ADCY5: variants seen among roughly 807,000 people sequenced by gnomAD.
ADCY5 encodes the protein adenylate cyclase type 5.
ADCY5 carries 30 observed loss-of-function variants against 119.7 expected under a neutral mutation model. The ratio of observed to expected loss-of-function variants is 0.25; its 90% confidence interval spans 0.19 to 0.34. The LOEUF (loss-of-function observed/expected upper bound fraction) is 0.34, where lower values mean the gene tolerates loss of function less well. Ranked by LOEUF, ADCY5 falls within the 10% of genes least tolerant of loss-of-function variation. ADCY5 has a pLI of 1.00. For missense variants in ADCY5, 1,324 were observed against 1,775.2 expected, an observed-to-expected ratio of 0.75 and a Z score of 4.57; for synonymous variants, 753 against 762.2, an observed-to-expected ratio of 0.99 and a Z score of 0.20.
chr3:123,292,703 G>A (rs536717732), intron 17 of ADCY5, among the ~76,000 whole-genome samples: 29 of 152,264 alleles, frequency 1.9e-4, no homozygotes, highest in African/African-American at 5.5e-4. Context: ...CTATGCCCAC[G>A]GGAGAAGGCT....
chr3:123,307,602 A>C lies in ADCY5; in HGVS notation c.2443-3419T>G, dbSNP rs1461561835. On this transcript the variant is annotated intron_variant, in intron 12 of 20. Transcript: ENST00000462833. Reference sequence around the variant, plus strand: ...TGAAATGGTATGACAGATGGTTTCAAATCGTTGGCTGCTGAAAATTTTGTC... The same window carrying C: ...TGAAATGGTATGACAGATGGTTTCACATCGTTGGCTGCTGAAAATTTTGTC... 2.0e-5 allele frequency among the ~76,000 whole-genome samples: 3 copies of C among 152,162 alleles called. No homozygotes were observed. The South Asian group carries it at 6.2e-4, about 32-fold the overall frequency.
intron 1 of ADCY5, among the ~76,000 whole-genome samples, chr3:123,432,394 A>C (rs774953900): frequency 6.6e-6 from 1 of 152,194 alleles, no homozygotes; most frequent in Non-Finnish European, 1.5e-5. Flanking sequence ...CACCAGAAGA[A>C]AGACTGGAGA....
rs1940764318 is a variant in ADCY5, at chr3:123,314,242, CAGG to C, written c.2432_2434del (p.Ser811del). 7 of 1,612,316 alleles carry C rather than the reference CAGG, an allele frequency of 4.3e-6. No individual in the cohort carries two copies. Among genetic ancestry groups the C allele is most frequent in the East Asian group, 2.2e-5 (1 of 44,878 alleles). On this transcript the variant is annotated inframe_deletion, in exon 12 of 21. Transcript: ENST00000462833. ...GCTGTCAGCTACACTCACCTTTACG[CAGG>C]AGTAGATCACAGACACAAACACCAC... is the stretch of plus-strand genomic sequence containing the variant.
intron 9 of ADCY5, among the ~76,000 whole-genome samples, chr3:123,320,414 C>T (rs138547392): frequency 7.5e-4 from 114 of 152,372 alleles, no homozygotes; most frequent in African/African-American, 2.4e-3. Flanking sequence ...GGCATTGCCT[C>T]GGGGCACTGG....
intron 8 of ADCY5, among the ~76,000 whole-genome samples, chr3:123,321,935 C>G (rs547481215): frequency 6.6e-6 from 1 of 152,178 alleles, no homozygotes. Flanking sequence ...CTGCCAGCAC[C>G]GGCCCAGGAT....
intron 1 of ADCY5, among the ~76,000 whole-genome samples, chr3:123,401,325 C>T (rs1944745980): frequency 6.6e-6 from 1 of 152,144 alleles, no homozygotes; most frequent in Non-Finnish European, 1.5e-5. Context: ...AGGGAAATGA[C>T]AAGCACCTGA....
intron 1 of ADCY5, among the ~76,000 whole-genome samples, chr3:123,386,907 G>C (rs6797908): frequency 0.48 from 72,542 of 151,906 alleles, 18,126 homozygotes; most frequent in East Asian, 0.69. Flanking sequence ...GCAGAAACCG[G>C]CCACTCCAAA....
In ADCY5 at chr3:123,385,493, T is replaced by A. The variant is rs114507367; in HGVS notation, c.1135-32912A>T. 7.9e-3 allele frequency among the ~76,000 whole-genome samples: 1,205 copies of A among 152,222 alleles called. 22 individuals are homozygous for A. The highest frequency in any genetic ancestry group is 0.027 in the African/African-American group (1,124 of 41,536). ...AGACACATAGTCTTGGTGCCTAAAA[T>A]CATGACTCCTCTACATTCTGGAGAC... On this transcript the variant is annotated intron_variant, in intron 1 of 20. Transcript: ENST00000462833.
intron 11 of ADCY5, among the ~76,000 whole-genome samples, chr3:123,315,114 C>G (rs1940842110): frequency 6.6e-6 from 1 of 152,242 alleles, no homozygotes; most frequent in Non-Finnish European, 1.5e-5. Context: ...CCAGGGACAA[C>G]ACACCCCACC....
At chr3:123,410,566 A>C (rs1945019409) in intron 1 of ADCY5, among the ~76,000 whole-genome samples, 2 of 152,210 alleles carry the variant, frequency 1.3e-5, no homozygotes, top group Admixed American at 1.3e-4. Context: ...CTGCAGTAAG[A>C]ATGAAATCTA....
intron 1 of ADCY5, among the ~76,000 whole-genome samples, chr3:123,396,810 GC>G (rs1944601130): frequency 7.9e-6 from 1 of 126,056 alleles, no homozygotes; most frequent in African/African-American, 3.3e-5. Flanking sequence ...AGGCAGGCAG[GC>G]AGGCAGGCGA....
At position 123,396,397 on chromosome 3, in the gene ADCY5, A is replaced by AAAG. The variant is rs1472420067; in HGVS notation, c.1135-43817_1135-43816insCTT. Among the ~76,000 whole-genome samples, 346 of 120,876 alleles carry AAAG rather than the reference A, an allele frequency of 2.9e-3. 3 individuals are homozygous for AAAG. Among genetic ancestry groups the AAAG allele is most frequent in the African/African-American group, 0.011 (340 of 31,790 alleles). The allele number at this position is 120,876 out of a possible 152,430, so 79.3% of individuals were successfully genotyped here. ...AGGAAGGAAGGGAGGGAAAGAGAGA[A>AAAG]AAAGAAAGAGAAAGAGAGAGAGAGG... On this transcript the variant is annotated intron_variant, in intron 1 of 20. Transcript: ENST00000462833.
intron 1 of ADCY5, among the ~76,000 whole-genome samples, chr3:123,360,562 T>C (rs1943214288): frequency 6.6e-6 from 1 of 152,180 alleles, no homozygotes; most frequent in African/African-American, 2.4e-5. Flanking sequence ...CTGGCATTAA[T>C]GCCCTCTAAG....
Position 123,443,364 on chromosome 3 carries a change from A to G in ADCY5, c.1134+4048T>C, listed in dbSNP as rs1243979635. ...GAAGCCAACTACCAGCCAAGAATAAACAGGACAGGGCTGCCATGATCTCCT... is the reference window on the plus strand; with the variant it reads ...GAAGCCAACTACCAGCCAAGAATAAGCAGGACAGGGCTGCCATGATCTCCT... On this transcript the variant is annotated intron_variant, in intron 1 of 20. Transcript: ENST00000462833. Among the ~76,000 whole-genome samples, 6 of 152,150 alleles carry G rather than the reference A, an allele frequency of 3.9e-5. No individual in the cohort carries two copies. The East Asian group carries it at 1.2e-3, about 29-fold the overall frequency.
chr3:123,358,294 GT>G (rs1943116900), intron 1 of ADCY5, among the ~76,000 whole-genome samples: 1 of 152,044 alleles, frequency 6.6e-6, no homozygotes, highest in Non-Finnish European at 1.5e-5. Context: ...CAGCCCTGGA[GT>G]AGCCTCAGCA....
In ADCY5 at chr3:123,293,587, TG is replaced by T. The variant is rs34579092; in HGVS notation, c.3064-2212del. 9.7e-3 allele frequency among the ~76,000 whole-genome samples: 1,337 copies of T among 138,412 alleles called. 15 individuals carry two copies. The highest frequency in any genetic ancestry group is 0.033 in the African/African-American group (1,207 of 36,714). 90.8% of individuals were successfully genotyped at this position (138,412 alleles called of 152,430 possible). ...TGTGTGCACACAGGTGAGGAGGGGG[TG>T]GGGGGGGTCACCACTGAGCAAATAA... On this transcript the variant is annotated intron_variant, in intron 17 of 20. Transcript: ENST00000462833.
chr3:123,287,330 C>T (rs1378423490), intron 19 of ADCY5, among the ~76,000 whole-genome samples: 1 of 152,208 alleles, frequency 6.6e-6, no homozygotes, highest in Non-Finnish European at 1.5e-5. Flanking sequence ...CCCACTTTCC[C>T]AATCTCACCC....
At chr3:123,319,055 G>C (rs958937639) in intron 10 of ADCY5, among the ~76,000 whole-genome samples, 1 of 152,170 alleles carries the variant, frequency 6.6e-6, no homozygotes, top group Non-Finnish European at 1.5e-5. Context: ...GACAGATACT[G>C]TTTCATACAT....
intron 1 of ADCY5, among the ~76,000 whole-genome samples, chr3:123,398,639 TAC>T (rs375362600): frequency 6.6e-6 from 1 of 152,120 alleles, no homozygotes; most frequent in Admixed American, 6.5e-5. Context: ...TTTCTACCCC[TAC>T]ACACACACTC....
Sources: gnomAD v4.1 joint callset for allele counts (sites outside exome capture counted in the v4.1 genomes callset) on GRCh38, gnomAD v4.1.1 for gene constraint, MANE v1.5 for transcripts, NCBI Gene and HGNC (gene_info 2026-07-23, HGNC 2026-07-21) for gene names.